FNTB: variants seen among roughly 807,000 people sequenced by gnomAD.
FNTB encodes farnesyltransferase, CAAX box, subunit beta, also known as protein farnesyltransferase subunit beta.
A neutral mutation model predicts 59.4 loss-of-function variants in FNTB; 27 were observed. The ratio of observed to expected loss-of-function variants is 0.45; its 90% CI spans 0.34 to 0.63. The LOEUF is 0.63. Among genes scored for constraint, FNTB ranks in the 20% least tolerant of loss-of-function variants. The pLI is 0.02. For synonymous variants in FNTB, 230 were observed against 220.7 expected (o/e 1.04, Z -0.37); for missense variants, 449 against 559.6 (o/e 0.80, Z 1.99).
chr14:65,044,531 G>T lies in FNTB; in HGVS notation c.955+88G>T. On this transcript the variant is annotated intron_variant, in intron 9 of 11. Transcript: ENST00000246166. The surrounding 1 kb of genome is among the most constrained non-coding windows in gnomAD (Gnocchi z 5.5). ...GAAGCCCAGCGTGCTTTTTTAGAGG[G>T]GTTGAAATGAGCTCTGTCTATCCTG... The T allele has an allele frequency of 6.5e-7, 1 of 1,527,354 alleles. No individual in the cohort carries two copies. Among genetic ancestry groups the T allele is most frequent in the Non-Finnish European group, 8.8e-7 (1 of 1,142,636 alleles). The allele number at this position is 1,527,354 out of a possible 1,614,324, so 94.6% of individuals were successfully genotyped here.
At chr14:65,006,047 T>C (rs892779790) in intron 2 of FNTB, 8 of 1,310,762 alleles carry the variant, frequency 6.1e-6, no homozygotes, top group Middle Eastern at 2.7e-4. Flanking sequence ...TCATGTCTCT[T>C]GACTTCTTGA....
chr14:64,988,637 G>A (rs972279233), intron 1 of FNTB, among the ~76,000 whole-genome samples: 8 of 151,848 alleles, frequency 5.3e-5, no homozygotes, highest in Admixed American at 1.3e-4. Context: ...TTCACCATGT[G>A]GCCAGGCTGG....
intron 4 of FNTB, among the ~76,000 whole-genome samples, chr14:65,016,912 C>T (rs1025723621): frequency 2.7e-5 from 4 of 146,856 alleles, no homozygotes; most frequent in African/African-American, 7.6e-5. Flanking sequence ...CAAAGAAAGG[C>T]CCACGTGGTT....
intron 8 of FNTB, among the ~76,000 whole-genome samples, chr14:65,041,881 A>G (rs1311977256): frequency 2.0e-5 from 3 of 152,212 alleles, no homozygotes; most frequent in African/African-American, 7.2e-5. Flanking sequence ...AGGCAGAGAT[A>G]AGGAATGTGA....
At chr14:65,003,777 G>T (rs541979343) in intron 1 of FNTB, 1 of 152,278 alleles carries the variant, frequency 6.6e-6, no homozygotes, top group East Asian at 1.9e-4. Flanking sequence ...GTACGGAGAG[G>T]GAAACACTCT....
In FNTB at chr14:65,058,448, C is replaced by T. The variant is rs74820108; in HGVS notation, c.1183-2733C>T. Among the ~76,000 whole-genome samples the T allele has an allele frequency of 4.1e-3, 617 of 152,166 alleles. 10 individuals carry two copies. Among genetic ancestry groups the T allele is most frequent in the East Asian group, 0.041 (210 of 5,180 alleles). ...TTTTAAGTTTGTCTAAGTTAGTTTCCATTTTATTTTTCTTGCCTTGTATTG... is the reference window on the plus strand; with the variant it reads ...TTTTAAGTTTGTCTAAGTTAGTTTCTATTTTATTTTTCTTGCCTTGTATTG... On this transcript the variant is annotated intron_variant, in intron 11 of 11. Coordinates refer to ENST00000246166, the MANE Select transcript of FNTB (RefSeq NM_002028.4).
chr14:65,040,669 A>G (rs545500181), intron 7 of FNTB, 121 bp from the exon 8 acceptor site: 9 of 1,158,592 alleles, frequency 7.8e-6, no homozygotes, highest in Middle Eastern at 3.5e-4. Flanking sequence ...CTTTTCATTC[A>G]TAGTTGTGAT....
chr14:65,035,150 A>G (rs2062160053), intron 7 of FNTB, among the ~76,000 whole-genome samples: 1 of 152,188 alleles, frequency 6.6e-6, no homozygotes, highest in Non-Finnish European at 1.5e-5. Flanking sequence ...TCTTCCTGCC[A>G]GAAGGATGGT....
intron 2 of FNTB, chr14:65,006,115 A>C (rs1464208643): frequency 1.8e-5 from 28 of 1,594,824 alleles, no homozygotes; most frequent in Middle Eastern, 1.7e-4. Flanking sequence ...TGCTTACTGG[A>C]ACATTATAAA....
chr14:65,059,780 A>G (rs974272832), intron 11 of FNTB, among the ~76,000 whole-genome samples: 12 of 150,438 alleles, frequency 8.0e-5, no homozygotes, highest in African/African-American at 2.9e-4. Flanking sequence ...AATTTTGTTT[A>G]TATATTTAAA....
chr14:65,033,108 T>C (rs536848748), intron 7 of FNTB, among the ~76,000 whole-genome samples: 23 of 152,278 alleles, frequency 1.5e-4, no homozygotes, highest in African/African-American at 5.5e-4. Context: ...GATTCAGTGC[T>C]CATAAGCACG....
chr14:65,027,377 T>A lies in FNTB; in HGVS notation c.375-76T>A. On this transcript the variant is annotated intron_variant, in intron 4 of 11. Coordinates refer to ENST00000246166, the MANE Select transcript of FNTB (RefSeq NM_002028.4). The surrounding 1 kb of genome is among the most constrained non-coding windows in gnomAD (Gnocchi z 5.7). ...GGAGTGGGGGATCATTGGAAAGGCC[T>A]GGAATCTAGTGGGAATTTGGTGTTT... is the stretch of plus-strand genomic sequence containing the variant. The A allele has an allele frequency of 1.3e-6, 2 of 1,582,428 alleles. No homozygotes were observed. The highest frequency in any genetic ancestry group is 1.7e-6 in the Non-Finnish European group (2 of 1,163,804).
At chr14:64,987,215 G>A in intron 1 of FNTB, 118 bp downstream of exon 1, 1 of 1,254,514 alleles carries the variant, frequency 8.0e-7, no homozygotes, top group Non-Finnish European at 1.1e-6. Flanking sequence ...ACAGCGCACC[G>A]CGGTGCCTTT....
intron 4 of FNTB, among the ~76,000 whole-genome samples, chr14:65,021,388 TGTTA>T (rs1319874046): frequency 2.0e-5 from 3 of 152,226 alleles, no homozygotes; most frequent in African/African-American, 7.2e-5. Context: ...TTCAAAAGGT[TGTTA>T]GTAGCTTATC....
chr14:65,000,414 G>A (rs1888550623), intron 1 of FNTB, among the ~76,000 whole-genome samples: 1 of 152,164 alleles, frequency 6.6e-6, no homozygotes, highest in Non-Finnish European at 1.5e-5. Flanking sequence ...AATGTAAGTA[G>A]AGAGTTTATT....
At chr14:65,042,438 A>G (rs1401543654) in intron 8 of FNTB, among the ~76,000 whole-genome samples, 1 of 152,178 alleles carries the variant, frequency 6.6e-6, no homozygotes, top group Non-Finnish European at 1.5e-5. Flanking sequence ...AGCCTGGCAT[A>G]CACGGTTCAC....
chr14:65,056,161 A>G (rs1722358484), intron 11 of FNTB, among the ~76,000 whole-genome samples: 1 of 152,194 alleles, frequency 6.6e-6, no homozygotes, highest in Non-Finnish European at 1.5e-5. Context: ...AATGGTACCT[A>G]CTGTACCAGT....
intron 1 of FNTB, among the ~76,000 whole-genome samples, chr14:64,989,289 AAAAAAGT>A (rs1419895836): frequency 6.6e-6 from 1 of 150,406 alleles, no homozygotes. Context: ...AAAAAAAAAA[AAAAAAGT>A]AGCTGAGCGT....
Position 65,061,454 on chromosome 14 carries a change from C to A in FNTB, c.*142C>A. On this transcript the variant is annotated 3_prime_UTR_variant, in exon 12 of 12. Coordinates refer to ENST00000246166, the MANE Select transcript of FNTB (RefSeq NM_002028.4). ...GTTCTCTTGGTACTTTCTTGTCAAACAAAACCAATGGCTCTGGGTTTGGAG... is the reference window on the plus strand; with the variant it reads ...GTTCTCTTGGTACTTTCTTGTCAAAAAAAACCAATGGCTCTGGGTTTGGAG... 1.5e-6 allele frequency: 2 copies of A among 1,356,006 alleles called. No homozygotes were observed. Among genetic ancestry groups the A allele is most frequent in the Non-Finnish European group, 1.9e-6 (2 of 1,025,766 alleles). The allele number at this position is 1,356,006 out of a possible 1,614,324, so 84.0% of individuals were successfully genotyped here.
Sources: gnomAD v4.1 joint callset for allele counts (sites outside exome capture counted in the v4.1 genomes callset) on GRCh38, gnomAD v4.1.1 for gene constraint, Gnocchi (gnomAD v3.1) non-coding constraint, MANE v1.5 for transcripts, NCBI Gene and HGNC (gene_info 2026-07-23, HGNC 2026-07-21) for gene names.